FGF2: variants seen among roughly 807,000 people sequenced by gnomAD.
FGF2 encodes the protein fibroblast growth factor 2.
In FGF2, 13 loss-of-function variants were observed where a neutral mutation model predicts 15.9. The ratio of observed to expected loss-of-function variants is 0.82; its 90% CI spans 0.53 to 1.30. The LOEUF is 1.30. FGF2 is among the 50% of genes most tolerant of loss of function. The pLI, the probability that FGF2 is intolerant of heterozygous loss-of-function variation, is 0.00. For synonymous variants in FGF2, 90 were observed against 78.4 expected (o/e 1.15, Z -0.78); for missense variants, 163 against 196.9 (o/e 0.83, Z 1.03).
At chr4:122,870,897 T>C (rs182007649) in intron 1 of FGF2, among the ~76,000 whole-genome samples, 83 of 152,310 alleles carry the variant, frequency 5.4e-4, no homozygotes, top group African/African-American at 1.9e-3. Flanking sequence ...CCTCTTTAGC[T>C]CTTTTAATTA....
chr4:122,879,711 G>A (rs890683279), intron 2 of FGF2, among the ~76,000 whole-genome samples: 2 of 152,178 alleles, frequency 1.3e-5, no homozygotes, highest in African/African-American at 4.8e-5. Context: ...CATGGCGGAA[G>A]GCAAGGAAGA....
chr4:122,871,794 A>AAC (rs1335557206), intron 1 of FGF2, among the ~76,000 whole-genome samples: 1 of 151,354 alleles, frequency 6.6e-6, no homozygotes, highest in Non-Finnish European at 1.5e-5. Flanking sequence ...AAAAAAAAAA[A>AAC]AAAACTAGCA....
At chr4:122,844,612 TTCC>T (rs1304852813) in intron 1 of FGF2, among the ~76,000 whole-genome samples, 1 of 150,318 alleles carries the variant, frequency 6.7e-6, no homozygotes, top group African/African-American at 2.5e-5. Flanking sequence ...CCTTCCTTCC[TTCC>T]TTTCTTTCTT....
Position 122,827,100 on chromosome 4 carries a change from G to T in FGF2, c.-75G>T. On this transcript the variant is annotated 5_prime_UTR_variant, in exon 1 of 3. Coordinates refer to ENST00000644866, the MANE Select transcript of FGF2 (RefSeq NM_001361665.2). This position sits in a 1 kb window ranked among gnomAD's most constrained non-coding sequence, Gnocchi z 4.2. ...TGCCCCGGAGCGGGTCGGAGGCCGG[G>T]GCCGGGGCCGGGGGACGGCGGCTCC... 1 of 1,228,320 alleles carries T rather than the reference G, an allele frequency of 8.1e-7. No individual in the cohort carries two copies. Among genetic ancestry groups the T allele is most frequent in the Non-Finnish European group, 1.0e-6 (1 of 986,476 alleles). 76.1% of individuals were successfully genotyped at this position (1,228,320 alleles called of 1,614,324 possible).
rs111822781 is a variant in FGF2 at position 122,895,919 on chromosome 4, G to T, written c.*3523G>T. 42 of 152,426 alleles carry T rather than the reference G, an allele frequency of 2.8e-4. No homozygotes were observed. Among genetic ancestry groups the T allele is most frequent in the African/African-American group, 9.7e-4 (40 of 41,438 alleles). 9.4% of individuals were successfully genotyped at this position (152,426 alleles called of 1,614,324 possible). A position where few individuals can be genotyped will look rare whatever the true frequency, so the allele number is the denominator to read the frequency against. On this transcript the variant is annotated 3_prime_UTR_variant, in exon 3 of 3. Transcript: ENST00000644866. The stretch of plus-strand genomic sequence containing the variant: ...TAAATAATTTCAGTAATTCTTAGAT[G>T]ATTCAGCTTCATCATTAAGAATATC...
intron 1 of FGF2, among the ~76,000 whole-genome samples, chr4:122,833,732 G>A (rs1053494737): frequency 3.9e-5 from 6 of 152,178 alleles, no homozygotes; most frequent in Non-Finnish European, 5.9e-5. Context: ...GGCATATGCT[G>A]TATAAAGCTT....
Position 122,827,622 on chromosome 4 carries a change from G to C in FGF2, c.178+270G>C, listed in dbSNP as rs1039401869. 3.9e-5 allele frequency among the ~76,000 whole-genome samples: 6 copies of C among 152,122 alleles called. No homozygotes were observed. Among genetic ancestry groups the C allele is most frequent in the Admixed American group, 2.6e-4 (4 of 15,286 alleles). On this transcript the variant is annotated intron_variant, in intron 1 of 2. Transcript: ENST00000644866. The surrounding 1 kb of genome is among the most constrained non-coding windows in gnomAD (Gnocchi z 4.2). The stretch of plus-strand genomic sequence containing the variant: ...CCGGCCCGGAGCCGCGGCGCGCCGG[G>C]GCCTCGCGGACTGGCTGTCTTCCCG...
chr4:122,889,692 G>GT (rs1484630681), intron 2 of FGF2, among the ~76,000 whole-genome samples: 7 of 151,184 alleles, frequency 4.6e-5, no homozygotes, highest in Admixed American at 1.3e-4. Flanking sequence ...TCCCTCCACT[G>GT]TTTTTTTTCA....
chr4:122,831,249 T>G (rs1725760416), intron 1 of FGF2, among the ~76,000 whole-genome samples: 1 of 152,162 alleles, frequency 6.6e-6, no homozygotes, highest in Non-Finnish European at 1.5e-5. Context: ...TCAGCCTCAG[T>G]GCGCTCTTCA....
intron 2 of FGF2, among the ~76,000 whole-genome samples, chr4:122,885,913 CTTTTTTTTTTTTTT>C (rs11310783): frequency 2.4e-5 from 2 of 84,528 alleles, no homozygotes; most frequent in Non-Finnish European, 4.3e-5. Context: ...TTTTTTTTTC[CTTTTTTTTTTTTTT>C]TTTTTTTTTG....
chr4:122,829,494 A>G (rs1725715683), intron 1 of FGF2, among the ~76,000 whole-genome samples: 1 of 152,228 alleles, frequency 6.6e-6, no homozygotes, highest in Non-Finnish European at 1.5e-5. Context: ...GCTAAGGACA[A>G]GACATTAAAA....
At chr4:122,829,981 A>G (rs45564541) in intron 1 of FGF2, among the ~76,000 whole-genome samples, 4 of 152,196 alleles carry the variant, frequency 2.6e-5, no homozygotes, top group Admixed American at 2.6e-4. Flanking sequence ...TTCCTACTAC[A>G]TTATGGCTCA....
upstream of FGF2, chr4:122,826,816 C>G: frequency 6.9e-7 from 1 of 1,452,476 alleles, no homozygotes; most frequent in Non-Finnish European, 9.1e-7. Flanking sequence ...GATGTGACGC[C>G]GCGGCCCGGC....
At position 122,895,697 on chromosome 4, in the gene FGF2, A is replaced by G. The variant is rs1727330339; in HGVS notation, c.*3301A>G. On this transcript the variant is annotated 3_prime_UTR_variant, in exon 3 of 3. Coordinates refer to ENST00000644866, the MANE Select transcript of FGF2 (RefSeq NM_001361665.2). Reference sequence around the variant, plus strand: ...CCTTGAGGATTGCATTCTATTTTCTATATGACCCTCTTGATATTTAAAAAA... The same window carrying G: ...CCTTGAGGATTGCATTCTATTTTCTGTATGACCCTCTTGATATTTAAAAAA... 6.6e-6 allele frequency: 1 copy of G among 152,200 alleles called. No homozygotes were observed. Among genetic ancestry groups the G allele is most frequent in the Non-Finnish European group, 1.5e-5 (1 of 68,028 alleles). The allele number at this position is 152,200 out of a possible 1,614,324, so 9.4% of individuals were successfully genotyped here.
chr4:122,885,016 A>G (rs1727029446), intron 2 of FGF2, among the ~76,000 whole-genome samples: 1 of 152,216 alleles, frequency 6.6e-6, no homozygotes, highest in South Asian at 2.1e-4. Flanking sequence ...AGGCGATATT[A>G]GAAGCTAGGT....
At chr4:122,859,443 A>C (rs781638109) in intron 1 of FGF2, among the ~76,000 whole-genome samples, 293 of 152,336 alleles carry the variant, frequency 1.9e-3, no homozygotes, top group South Asian at 4.4e-3. Context: ...CTATGGTAAG[A>C]CATTATATAA....
At chr4:122,828,316 AG>A (rs894313754) in intron 1 of FGF2, among the ~76,000 whole-genome samples, 1 of 152,234 alleles carries the variant, frequency 6.6e-6, no homozygotes, top group African/African-American at 2.4e-5. Flanking sequence ...AGAGAAAGAA[AG>A]GGGCATAAGA....
intron 1 of FGF2, among the ~76,000 whole-genome samples, chr4:122,875,643 TA>T (rs1051436308): frequency 3.9e-5 from 6 of 152,050 alleles, no homozygotes; most frequent in African/African-American, 1.4e-4. Context: ...GCGTCTCTAC[TA>T]AAAATACAAA....
At chr4:122,832,319 C>G (rs1210819370) in intron 1 of FGF2, among the ~76,000 whole-genome samples, 1 of 152,168 alleles carries the variant, frequency 6.6e-6, no homozygotes, top group Non-Finnish European at 1.5e-5. Context: ...TGCAGTGGCA[C>G]AATCTCAGCT....
Sources: allele counts gnomAD v4.1 joint callset (sites outside exome capture counted in the v4.1 genomes callset), GRCh38; gene constraint gnomAD v4.1.1; non-coding constraint Gnocchi (gnomAD v3.1); transcripts MANE v1.5; gene names NCBI Gene and HGNC (gene_info 2026-07-23, HGNC 2026-07-21).